Variants in STAB2 observed in about 807,000 individuals in gnomAD.
The protein encoded by STAB2 is stabilin 2.
A neutral mutation model predicts 338.1 loss-of-function variants in STAB2; 288 were observed. The ratio of observed to expected loss-of-function variants is 0.85; its 90% CI spans 0.77 to 0.94. The LOEUF is 0.94. STAB2 is among the 40% of genes least tolerant of loss of function. STAB2 has a pLI of 0.00. For missense variants in STAB2, 3,141 were observed against 3,210.1 expected (o/e 0.98, Z 0.52); for synonymous variants, 1,202 against 1,193.3 (o/e 1.01, Z -0.15).
At chr12:103,747,611 C>T (rs1182663663) in intron 58 of STAB2, among the ~76,000 whole-genome samples, 1 of 152,176 alleles carries the variant, frequency 6.6e-6, no homozygotes, top group Non-Finnish European at 1.5e-5. Flanking sequence ...GGAATCTCAT[C>T]ATTGGTCATG....
chr12:103,709,082 C>A (rs368403956), intron 39 of STAB2, among the ~76,000 whole-genome samples: 6 of 152,230 alleles, frequency 3.9e-5, no homozygotes, highest in African/African-American at 1.4e-4. Flanking sequence ...GGTTGTCCTC[C>A]GGAGGAAATA....
intron 6 of STAB2, among the ~76,000 whole-genome samples, chr12:103,635,588 G>A (rs1009243155): frequency 4.6e-5 from 7 of 152,216 alleles, no homozygotes. Flanking sequence ...TCAGCCCAGG[G>A]GAAGGCTGTT....
In STAB2 at chr12:103,655,485, G is replaced by A; in HGVS notation, c.1638G>A (p.Glu546=). The A allele has an allele frequency of 6.2e-7, 1 of 1,614,006 alleles. No homozygotes were observed. The highest frequency in any genetic ancestry group is 8.5e-7 in the Non-Finnish European group (1 of 1,180,004). ...CCAATTTGGGACATGCCTTAGATGA[G>A]GATGGAGTTGGTGGACCATACACCA... is the stretch of plus-strand genomic sequence containing the variant. ...EETNLGHALD[E]DGVGGPYTIF... The change falls in exon 15 of 69, where the codon GAG becomes GAA. Residue 546 remains glutamate, a synonymous_variant. Coordinates refer to ENST00000388887, the MANE Select transcript of STAB2 (RefSeq NM_017564.10).
At chr12:103,744,103 TGGAGGTGGTG>T (rs1882804672) in intron 56 of STAB2, among the ~76,000 whole-genome samples, 1 of 151,826 alleles carries the variant, frequency 6.6e-6, no homozygotes, top group Non-Finnish European at 1.5e-5. Context: ...ACGGTAGTGC[TGGAGGTGGTG>T]AGAGGTGGTG....
intron 9 of STAB2, among the ~76,000 whole-genome samples, 169 bp from the exon 10 acceptor site, chr12:103,648,521 A>G (rs568512453): frequency 2.6e-5 from 4 of 152,110 alleles, no homozygotes; most frequent in Admixed American, 2.0e-4. Flanking sequence ...TTAGGCATCC[A>G]TTTCTTGAGG....
At chr12:103,710,246 ACT>A (rs1271168812) in intron 39 of STAB2, among the ~76,000 whole-genome samples, 5 of 151,896 alleles carry the variant, frequency 3.3e-5, no homozygotes, top group Non-Finnish European at 5.9e-5. Context: ...GAGCACAAAG[ACT>A]CTTCACCAAT....
intron 1 of STAB2, among the ~76,000 whole-genome samples, chr12:103,588,341 G>T (rs970918035): frequency 6.6e-6 from 1 of 152,194 alleles, no homozygotes; most frequent in African/African-American, 2.4e-5. Context: ...AGTTTGAACT[G>T]TGGATCTCAT....
rs1222965106 is a variant in STAB2 at position 103,666,251 on chromosome 12, C to T, written c.2023-40C>T. The stretch of plus-strand genomic sequence containing the variant: ...CAGGACCATCGCCACTGCTCCCTCT[C>T]ATAGGGACACCTGCACTGACCTCCT... On this transcript the variant is annotated intron_variant, in intron 18 of 68. Transcript: ENST00000388887. 1.9e-6 allele frequency: 3 copies of T among 1,602,558 alleles called. No homozygotes were observed. The African/African-American group carries it at 4.0e-5, about 21-fold the overall frequency.
chr12:103,746,949 C>CT (rs370851005), intron 58 of STAB2, among the ~76,000 whole-genome samples: 65 of 96,072 alleles, frequency 6.8e-4, no homozygotes, highest in Non-Finnish European at 9.2e-4. Context: ...GTTTTTCTTT[C>CT]TTTTTTTTTT....
intron 42 of STAB2, among the ~76,000 whole-genome samples, chr12:103,713,981 C>T (rs1038060719): frequency 6.6e-6 from 1 of 152,226 alleles, no homozygotes; most frequent in African/African-American, 2.4e-5. Context: ...AAAGGAGATA[C>T]ATTTTCCAAT....
chr12:103,750,571 C>T lies in STAB2; in HGVS notation c.6439-8C>T. On this transcript the variant is annotated splice_region_variant and splice_polypyrimidine_tract_variant and intron_variant, in intron 59 of 68. Coordinates refer to ENST00000388887, the MANE Select transcript of STAB2 (RefSeq NM_017564.10). ...ACTTTTTCATCTCTTCCCACTCTCC[C>T]TCCACAGGGCAAGCACAAGTGTGAG... 6.2e-7 allele frequency: 1 copy of T among 1,613,820 alleles called. No individual in the cohort carries two copies. The highest frequency in any genetic ancestry group is 8.5e-7 in the Non-Finnish European group (1 of 1,179,750).
chr12:103,609,403 A>T (rs1360018746), intron 3 of STAB2, among the ~76,000 whole-genome samples: 1 of 152,182 alleles, frequency 6.6e-6, no homozygotes, highest in Non-Finnish European at 1.5e-5. Context: ...GGTCCTTCAC[A>T]TCCCTTGTAA....
Position 103,730,236 on chromosome 12 carries a change from G to A in STAB2, c.5203G>A (p.Asp1735Asn), listed in dbSNP as rs768824822. ...SPKNLLITPK[D>N]NSGRILQNLT... ...CAAAAATTTGCTTATCACTCCCAAA[G>A]ACAACTCTGGAAGAATTCTGGTAGG... The change falls in exon 49 of 69, where the codon GAC (aspartate) becomes AAC (asparagine). Residue 1735 changes from aspartate to asparagine, a missense_variant. Physicochemically the swap from Asp to Asn is conservative, Grantham distance 23. Transcript: ENST00000388887. 2.5e-6 allele frequency: 4 copies of A among 1,613,594 alleles called. No homozygotes were observed. The highest frequency in any genetic ancestry group is 1.7e-6 in the Non-Finnish European group (2 of 1,179,788).
intron 5 of STAB2, among the ~76,000 whole-genome samples, chr12:103,626,344 C>T (rs975245391): frequency 2.6e-5 from 4 of 152,150 alleles, no homozygotes; most frequent in Admixed American, 6.5e-5. Flanking sequence ...AGTTCTAGGA[C>T]GTAACAATTA....
intron 65 of STAB2, among the ~76,000 whole-genome samples, chr12:103,760,414 C>T (rs1349375571): frequency 2.0e-5 from 3 of 152,190 alleles, no homozygotes; most frequent in Admixed American, 1.3e-4. Context: ...GTGCCCGCCA[C>T]CACACTCAGC....
chr12:103,684,252 G>T (rs1254768924), intron 26 of STAB2, among the ~76,000 whole-genome samples: 1 of 152,166 alleles, frequency 6.6e-6, no homozygotes, highest in Non-Finnish European at 1.5e-5. Flanking sequence ...AAATCATAGA[G>T]GAAAGGATCT....
rs1314351449 is a variant in STAB2 at position 103,590,935 on chromosome 12, G to T, written c.120G>T (p.Arg40Ser). 3 of 1,613,914 alleles carry T rather than the reference G, an allele frequency of 1.9e-6. No individual in the cohort carries two copies. Among genetic ancestry groups the T allele is most frequent in the Non-Finnish European group, 2.5e-6 (3 of 1,180,000 alleles). The change falls in exon 2 of 69, where the codon AGG becomes AGT. Residue 40 changes from arginine to serine, a missense_variant. By Grantham distance (110) the Arg-to-Ser change is moderately radical. Coordinates refer to ENST00000388887, the MANE Select transcript of STAB2 (RefSeq NM_017564.10). ...RCDRKSLLTI[R>S]TECRSCALNL... Reference sequence around the variant, plus strand: ...ATAGGAAGTCTCTTCTTACAATTAGGACCGAGTGCCGATCCTGCGCTCTCA... The same window carrying T: ...ATAGGAAGTCTCTTCTTACAATTAGTACCGAGTGCCGATCCTGCGCTCTCA...
intron 30 of STAB2, among the ~76,000 whole-genome samples, chr12:103,692,402 G>C (rs967626580): frequency 6.6e-6 from 1 of 151,834 alleles, no homozygotes; most frequent in South Asian, 2.1e-4. Context: ...GGGCAGGGGG[G>C]GACACAGCTC....
chr12:103,624,340 T>A (rs1014849293), intron 5 of STAB2, among the ~76,000 whole-genome samples: 2 of 152,206 alleles, frequency 1.3e-5, no homozygotes, highest in African/African-American at 4.8e-5. Context: ...ATGAATTATC[T>A]AGCTTGCTCC....
Sources: gnomAD v4.1 joint callset for allele counts (sites outside exome capture counted in the v4.1 genomes callset) on GRCh38, gnomAD v4.1.1 for gene constraint, MANE v1.5 for transcripts, NCBI Gene and HGNC (gene_info 2026-07-23, HGNC 2026-07-21) for gene names.